PIGK: variants seen among roughly 807,000 people sequenced by gnomAD.
The protein encoded by PIGK is GPI-anchor transamidase.
In PIGK, 42 loss-of-function variants were observed where a neutral mutation model predicts 50.6. That is an observed-to-expected ratio of 0.83 (90% CI 0.65 to 1.07). PIGK has a LOEUF of 1.07. PIGK is among the 50% of genes least tolerant of loss of function. The pLI, the probability that PIGK is intolerant of heterozygous loss-of-function variation, is 0.00. For synonymous variants in PIGK, 151 were observed against 156.0 expected, an observed-to-expected ratio of 0.97 and a Z score of 0.24; for missense variants, 448 against 488.7, an observed-to-expected ratio of 0.92 and a Z score of 0.78.
intron 3 of PIGK, among the ~76,000 whole-genome samples, chr1:77,174,977 A>G (rs1655450057): frequency 6.6e-6 from 1 of 152,216 alleles, no homozygotes; most frequent in African/African-American, 2.4e-5. Flanking sequence ...TCTATAAAAG[A>G]GCTCTAATTA....
In PIGK at chr1:77,148,948, C is replaced by G. The variant is rs527557413; in HGVS notation, c.986+5501G>C. Among the ~76,000 whole-genome samples the G allele has an allele frequency of 1.3e-3, 192 of 151,096 alleles. 1 individual carries two copies. The highest frequency in any genetic ancestry group is 3.4e-3 in the Middle Eastern group (1 of 292). On this transcript the variant is annotated intron_variant, in intron 9 of 10. Coordinates refer to ENST00000370812, the MANE Select transcript of PIGK (RefSeq NM_005482.3). ...GCCAGAATGGTGTTGATCTCCTGAC[C>G]TAGTGATCTGCCCACCTTGGCCTCC...
chr1:77,133,314 T>C (rs763832316), intron 9 of PIGK, among the ~76,000 whole-genome samples: 4 of 152,198 alleles, frequency 2.6e-5, no homozygotes, highest in Non-Finnish European at 5.9e-5. Context: ...TCAGATACCA[T>C]ATTTTTCAAT....
intron 9 of PIGK, among the ~76,000 whole-genome samples, chr1:77,146,825 C>T (rs967540008): frequency 8.6e-5 from 13 of 151,820 alleles, no homozygotes; most frequent in African/African-American, 3.1e-4. Context: ...AAAAATTAGC[C>T]AGGCATGGCA....
intron 10 of PIGK, among the ~76,000 whole-genome samples, chr1:77,107,348 C>A (rs1201193008): frequency 6.6e-6 from 1 of 152,054 alleles, no homozygotes; most frequent in Non-Finnish European, 1.5e-5. Flanking sequence ...CATTATGTAC[C>A]CAGTAGTCAT....
At chr1:77,145,830 G>A (rs1287325938) in intron 9 of PIGK, among the ~76,000 whole-genome samples, 5 of 152,014 alleles carry the variant, frequency 3.3e-5, no homozygotes, top group Non-Finnish European at 4.4e-5. Flanking sequence ...GAATGTAATA[G>A]TGGTATAAAG....
chr1:77,146,804 A>C (rs11162278), intron 9 of PIGK, among the ~76,000 whole-genome samples: 1 of 151,700 alleles, frequency 6.6e-6, no homozygotes, highest in African/African-American at 2.4e-5. Flanking sequence ...CTAAAAAAAA[A>C]AAAGTAAAAG....
chr1:77,178,968 AT>A (rs1655549968), intron 3 of PIGK, among the ~76,000 whole-genome samples: 1 of 152,180 alleles, frequency 6.6e-6, no homozygotes, highest in African/African-American at 2.4e-5. Flanking sequence ...AAAAGGGGAA[AT>A]TTTTTTAAAA....
At chr1:77,192,796 A>C (rs1245803061) in intron 3 of PIGK, among the ~76,000 whole-genome samples, 2 of 152,212 alleles carry the variant, frequency 1.3e-5, no homozygotes, top group Non-Finnish European at 2.9e-5. Flanking sequence ...AAGTCTTAAA[A>C]TACATTTAGG....
chr1:77,150,676 A>C (rs1355536270), intron 9 of PIGK, among the ~76,000 whole-genome samples: 1 of 152,142 alleles, frequency 6.6e-6, no homozygotes, highest in Non-Finnish European at 1.5e-5. Flanking sequence ...TTCAACTGAT[A>C]CCACAGAAAT....
Position 77,163,817 on chromosome 1 carries a change from C to T in PIGK, c.584+29G>A, listed in dbSNP as rs767730202. On this transcript the variant is annotated intron_variant, in intron 6 of 10. Coordinates refer to ENST00000370812, the MANE Select transcript of PIGK (RefSeq NM_005482.3). ...ATGTGAAAATTAGGTATGAATATAG[C>T]TTATGAAAAGAAGTAATTTGCTAAT... The T allele has an allele frequency of 3.2e-6, 4 of 1,258,794 alleles. No individual in the cohort carries two copies. In the South Asian group the frequency reaches 3.7e-5, roughly 12 times the overall value. 78.0% of individuals were successfully genotyped at this position (1,258,794 alleles called of 1,614,324 possible). A position where few individuals can be genotyped will look rare whatever the true frequency, so the allele number is the denominator to read the frequency against.
chr1:77,208,600 A>G (rs934185487), intron 2 of PIGK, among the ~76,000 whole-genome samples: 4 of 152,186 alleles, frequency 2.6e-5, no homozygotes, highest in Non-Finnish European at 5.9e-5. Context: ...CTGGCTCCCA[A>G]TAGTTCTCCT....
chr1:77,147,589 A>C (rs1654800368), intron 9 of PIGK, among the ~76,000 whole-genome samples: 1 of 152,236 alleles, frequency 6.6e-6, no homozygotes, highest in Non-Finnish European at 1.5e-5. Context: ...AATACAGAAA[A>C]GATACAAAAC....
At chr1:77,095,124 T>C (rs755633135) in intron 10 of PIGK, among the ~76,000 whole-genome samples, 6 of 152,120 alleles carry the variant, frequency 3.9e-5, no homozygotes, top group Admixed American at 6.6e-5. Flanking sequence ...GAAAATGCAT[T>C]ATGAACTAAA....
intron 10 of PIGK, among the ~76,000 whole-genome samples, chr1:77,094,069 T>C (rs771221689): frequency 1.1e-4 from 16 of 152,192 alleles, no homozygotes; most frequent in Non-Finnish European, 2.2e-4. Context: ...TGCTCAGTTT[T>C]TGTCCTGTTT....
intron 9 of PIGK, among the ~76,000 whole-genome samples, chr1:77,124,279 G>A (rs950408186): frequency 6.6e-6 from 1 of 152,098 alleles, no homozygotes; most frequent in Non-Finnish European, 1.5e-5. Context: ...GCATTTCACA[G>A]TGTATCTTTT....
At chr1:77,168,204 T>G (rs1655276347) in intron 4 of PIGK, among the ~76,000 whole-genome samples, 2 of 152,194 alleles carry the variant, frequency 1.3e-5, no homozygotes, top group Non-Finnish European at 2.9e-5. Context: ...TATTTAAAGT[T>G]ATAGAGAGTA....
At position 77,109,473 on chromosome 1, in the gene PIGK, G is replaced by A. The variant is rs180737893; in HGVS notation, c.1071+12802C>T. ...GTTCAATGTTCGCAAATCAATAAAC[G>A]TAATCCAGCATATAAACAGAACCAA... On this transcript the variant is annotated intron_variant, in intron 10 of 10. Transcript: ENST00000370812. 2.7e-3 allele frequency among the ~76,000 whole-genome samples: 417 copies of A among 152,248 alleles called. 1 individual carries two copies. The highest frequency in any genetic ancestry group is 9.2e-3 in the African/African-American group (384 of 41,556).
chr1:77,137,884 G>C (rs913723103), intron 9 of PIGK, among the ~76,000 whole-genome samples: 2 of 152,206 alleles, frequency 1.3e-5, no homozygotes, highest in Admixed American at 1.3e-4. Flanking sequence ...GACTACAGGA[G>C]TGAGCCACCA....
intron 9 of PIGK, among the ~76,000 whole-genome samples, chr1:77,137,620 CAG>C (rs1370718290): frequency 2.0e-5 from 3 of 150,890 alleles, no homozygotes; most frequent in Non-Finnish European, 4.4e-5. Context: ...TATTTTGAGA[CAG>C]AGTCTTACTC....
Sources: gnomAD v4.1 joint callset for allele counts (sites outside exome capture counted in the v4.1 genomes callset) on GRCh38, gnomAD v4.1.1 for gene constraint, MANE v1.5 for transcripts, NCBI Gene and HGNC (gene_info 2026-07-23, HGNC 2026-07-21) for gene names.